CABP1: variants seen among roughly 807,000 people sequenced by gnomAD.
CABP1 encodes the protein calcium-binding protein 1.
CABP1 carries 17 observed loss-of-function variants against 34.3 expected under a neutral mutation model. The observed-to-expected ratio is 0.50, with a 90% CI of 0.34 to 0.74. The LOEUF is 0.74. Among genes scored for constraint, CABP1 ranks in the 30% least tolerant of loss-of-function variants. The pLI is 0.01. For missense variants in CABP1, 373 were observed against 511.1 expected (o/e 0.73, Z 2.61); for synonymous variants, 198 against 229.2 (o/e 0.86, Z 1.23).
rs149897834 is a variant in CABP1, at chr12:120,643,766, A to G, written c.654+2427A>G. Among the ~76,000 whole-genome samples the G allele has an allele frequency of 2.5e-3, 381 of 152,310 alleles. 3 individuals carry two copies. Among genetic ancestry groups the G allele is most frequent in the African/African-American group, 8.9e-3 (370 of 41,574 alleles). On this transcript the variant is annotated intron_variant, in intron 1 of 5. Coordinates refer to ENST00000316803, the MANE Select transcript of CABP1 (RefSeq NM_001033677.2). ...CTTTACCTGCAATGTAGGGATCATC[A>G]GGGTGCTTGGGAGATTAAATGAGAT...
downstream of CABP1, among the ~76,000 whole-genome samples, chr12:120,669,740 T>G (rs60858026): frequency 0.2 from 30,138 of 147,106 alleles, 3,367 homozygotes; most frequent in Middle Eastern, 0.33. Flanking sequence ...GGTGACACAG[T>G]GAGACTCTGT....
At position 120,660,098 on chromosome 12, in the gene CABP1, C is replaced by A; in HGVS notation, c.686-98C>A. On this transcript the variant is annotated intron_variant, in intron 2 of 5. Transcript: ENST00000316803. This position sits in a 1 kb window ranked among gnomAD's most constrained non-coding sequence, Gnocchi z 5.0. ...CCCAGCATCCTGGGAAGCTCCTGGG[C>A]CTCTCTTTCCATGCCGGTGGGCCTT... The A allele has an allele frequency of 6.7e-7, 1 of 1,493,006 alleles. No homozygotes were observed. The highest frequency in any genetic ancestry group is 9.2e-7 in the Non-Finnish European group (1 of 1,090,034). 92.5% of individuals were successfully genotyped at this position (1,493,006 alleles called of 1,614,324 possible).
At chr12:120,664,235 G>T (rs148214728) in intron 5 of CABP1, among the ~76,000 whole-genome samples, 2 of 152,306 alleles carry the variant, frequency 1.3e-5, no homozygotes, top group Non-Finnish European at 2.9e-5. Flanking sequence ...AAGAAAACCA[G>T]AGAAAACAAT....
intron 5 of CABP1, chr12:120,662,305 T>G (rs1203798635): frequency 6.6e-6 from 1 of 152,306 alleles, no homozygotes; most frequent in East Asian, 1.9e-4. Context: ...GTGAAGCTGC[T>G]AGGGTCCCTC....
At chr12:120,668,512 T>C (rs1385597259), downstream of CABP1, among the ~76,000 whole-genome samples, 2 of 152,142 alleles carry the variant, frequency 1.3e-5, no homozygotes, top group Admixed American at 6.5e-5. Context: ...GGGAGGAAGA[T>C]GTGTAGCCAA....
Position 120,641,871 on chromosome 12 carries a change from A to G in CABP1, c.654+532A>G, listed in dbSNP as rs1879348349. ...AGTTAGGAGATCCAAAAATATGAGG[A>G]AAGAGAAGAGGTGTCTGGGTAGGCA... is the stretch of plus-strand genomic sequence containing the variant. On this transcript the variant is annotated intron_variant, in intron 1 of 5. Coordinates refer to ENST00000316803, the MANE Select transcript of CABP1 (RefSeq NM_001033677.2). The surrounding 1 kb of genome is among the most constrained non-coding windows in gnomAD (Gnocchi z 6.7). 6.6e-6 allele frequency among the ~76,000 whole-genome samples: 1 copy of G among 152,168 alleles called. No homozygotes were observed. Among genetic ancestry groups the G allele is most frequent in the African/African-American group, 2.4e-5 (1 of 41,446 alleles).
In CABP1 at chr12:120,661,606, CTA is replaced by C; in HGVS notation, c.1087+390_1087+391del. ...TTCATCCATTCATCTACCTATCTAT[CTA>C]TCTGTCCATCATCCATCCATCCATT... On this transcript the variant is annotated intron_variant, in intron 5 of 5. Coordinates refer to ENST00000316803, the MANE Select transcript of CABP1 (RefSeq NM_001033677.2). The surrounding 1 kb of genome is among the most constrained non-coding windows in gnomAD (Gnocchi z 5.1). 1 of 180,890 alleles carries C rather than the reference CTA, an allele frequency of 5.5e-6. No individual in the cohort carries two copies. Among genetic ancestry groups the C allele is most frequent in the Non-Finnish European group, 1.2e-5 (1 of 85,286 alleles). The allele number at this position is 180,890 out of a possible 1,614,324, so 11.2% of individuals were successfully genotyped here.
chr12:120,677,302 G>A, the CABP1 span, among the ~76,000 whole-genome samples: 1 of 151,514 alleles, frequency 6.6e-6, no homozygotes, highest in Non-Finnish European at 1.5e-5. Flanking sequence ...TGACCAGGCT[G>A]GTCTTGAACT....
chr12:120,660,121 C>T lies in CABP1; in HGVS notation c.686-75C>T. The T allele has an allele frequency of 6.3e-7, 1 of 1,580,044 alleles. No homozygotes were observed. The highest frequency in any genetic ancestry group is 8.6e-7 in the Non-Finnish European group (1 of 1,157,998). On this transcript the variant is annotated intron_variant, in intron 2 of 5. Coordinates refer to ENST00000316803, the MANE Select transcript of CABP1 (RefSeq NM_001033677.2). This position sits in a 1 kb window ranked among gnomAD's most constrained non-coding sequence, Gnocchi z 5.0. ...GGCCTCTCTTTCCATGCCGGTGGGCCTTTGGGCTGCCTTTGCCCACAGAGG... is the reference window on the plus strand; with the variant it reads ...GGCCTCTCTTTCCATGCCGGTGGGCTTTTGGGCTGCCTTTGCCCACAGAGG...
At chr12:120,680,114 A>C in the CABP1 span, among the ~76,000 whole-genome samples, 1 of 152,050 alleles carries the variant, frequency 6.6e-6, no homozygotes, top group Non-Finnish European at 1.5e-5. Flanking sequence ...CAGAGGCTGC[A>C]GTGAGCAGAA....
In CABP1 at chr12:120,660,389, G is replaced by A. The variant is rs752538794; in HGVS notation, c.829+50G>A. 3.1e-5 allele frequency: 49 copies of A among 1,572,164 alleles called. No individual in the cohort carries two copies. Among genetic ancestry groups the A allele is most frequent in the South Asian group, 2.2e-4 (19 of 87,180 alleles). On this transcript the variant is annotated intron_variant, in intron 3 of 5. Coordinates refer to ENST00000316803, the MANE Select transcript of CABP1 (RefSeq NM_001033677.2). This position sits in a 1 kb window ranked among gnomAD's most constrained non-coding sequence, Gnocchi z 5.0. ...CGTCCCTTCGGTCCTCACCCTTGCC[G>A]TCCTCTGCAGTCAGACAGGACTGGC...
intron 1 of CABP1, among the ~76,000 whole-genome samples, chr12:120,649,472 G>A (rs1167250298): frequency 6.6e-6 from 1 of 152,148 alleles, no homozygotes; most frequent in African/African-American, 2.4e-5. Context: ...GGCGTGAGAT[G>A]AATTCATATC....
chr12:120,655,896 C>A lies in CABP1; in HGVS notation c.655-3982C>A, dbSNP rs767606603. The A allele has an allele frequency of 3.3e-6, 5 of 1,536,318 alleles. No homozygotes were observed. The East Asian group carries it at 1.2e-4, about 38-fold the overall frequency. ...GCATCACATTCAGCTCTCCCCGGAA[C>A]CACCATTTCCGTCAAGGATTGGAGA... On this transcript the variant is annotated intron_variant, in intron 1 of 5. Transcript: ENST00000316803.
downstream of CABP1, among the ~76,000 whole-genome samples, chr12:120,671,049 A>G (rs1366160191): frequency 6.6e-6 from 1 of 152,094 alleles, no homozygotes; most frequent in Non-Finnish European, 1.5e-5. Flanking sequence ...CACCCGATTC[A>G]ATCTGGTGGG....
At chr12:120,653,170 A>C (rs1879954818) in intron 1 of CABP1, among the ~76,000 whole-genome samples, 1 of 152,192 alleles carries the variant, frequency 6.6e-6, no homozygotes, top group African/African-American at 2.4e-5. Flanking sequence ...CTTCCTCTGC[A>C]GCCAGAAGTA....
chr12:120,655,842 TGTGTGTGTGC>T, intron 1 of CABP1: 1 of 1,532,846 alleles, frequency 6.5e-7, no homozygotes, highest in Non-Finnish European at 8.7e-7. Flanking sequence ...TGTGTGTGTG[TGTGTGTGTGC>T]GCATGTGCCA....
chr12:120,640,759 G>A lies in CABP1; in HGVS notation c.74G>A (p.Gly25Asp), dbSNP rs1879275082. Residue 25 changes from glycine to aspartate, a missense_variant, in exon 1 of 6, where the codon GGC (glycine) becomes GAC (aspartate). Transcript: ENST00000316803. The surrounding 1 kb of genome is among the most constrained non-coding windows in gnomAD (Gnocchi z 6.2). The stretch of plus-strand genomic sequence containing the variant: ...CGCCTCCAGCGCGTCCTCGGGCTTG[G>A]CTCCCGCCGGGAGCCCCGTTCTCTG... ...GARLQRVLGLGSRREPRSLPA... is the reference protein window; with the variant it reads ...GARLQRVLGLDSRREPRSLPA... 4.3e-6 allele frequency: 5 copies of A among 1,164,222 alleles called. No homozygotes were observed. Among genetic ancestry groups the A allele is most frequent in the Non-Finnish European group, 4.2e-6 (4 of 945,090 alleles). The allele number at this position is 1,164,222 out of a possible 1,614,324, so 72.1% of individuals were successfully genotyped here.
intron 1 of CABP1, among the ~76,000 whole-genome samples, chr12:120,658,238 C>T (rs546127188): frequency 2.4e-4 from 36 of 152,088 alleles, no homozygotes; most frequent in African/African-American, 7.7e-4. Flanking sequence ...GGACTACAGG[C>T]GTGAACCACC....
At chr12:120,646,477 C>T (rs1169238982) in intron 1 of CABP1, among the ~76,000 whole-genome samples, 2 of 152,148 alleles carry the variant, frequency 1.3e-5, no homozygotes, top group Non-Finnish European at 2.9e-5. Flanking sequence ...ACATGCTTCA[C>T]TCCTTACAGG....
Sources: allele counts gnomAD v4.1 joint callset (sites outside exome capture counted in the v4.1 genomes callset), GRCh38; gene constraint gnomAD v4.1.1; non-coding constraint Gnocchi (gnomAD v3.1); transcripts MANE v1.5; gene names NCBI Gene and HGNC (gene_info 2026-07-23, HGNC 2026-07-21).